STRN: variants seen among roughly 807,000 people sequenced by gnomAD.
STRN encodes the protein striatin.
Under a neutral mutation model 96.3 loss-of-function variants are expected in STRN, and 53 were observed. The observed-to-expected ratio is 0.55, with a 90% CI of 0.44 to 0.69. The LOEUF (loss-of-function observed/expected upper bound fraction) is 0.69, where lower values mean the gene tolerates loss of function less well. Among genes scored for constraint, STRN ranks in the 30% least tolerant of loss-of-function variants. The pLI, the probability that STRN is intolerant of heterozygous loss-of-function variation, is 0.00. For synonymous variants in STRN, 428 were observed against 355.9 expected (o/e 1.20, Z -2.28); for missense variants, 987 against 963.9 (o/e 1.02, Z -0.32).
At chr2:36,914,236 C>G (rs1241963961) in intron 3 of STRN, among the ~76,000 whole-genome samples, 1 of 152,164 alleles carries the variant, frequency 6.6e-6, no homozygotes, top group East Asian at 1.9e-4. Flanking sequence ...AGCAATCCTC[C>G]CACCTTGGCC....
intron 1 of STRN, among the ~76,000 whole-genome samples, chr2:36,958,643 A>G (rs1178834731): frequency 1.3e-5 from 2 of 152,232 alleles, no homozygotes; most frequent in Non-Finnish European, 2.9e-5. Context: ...GAGAGATAAA[A>G]AGATGGAAAA....
At position 36,867,694 on chromosome 2, in the gene STRN, T is replaced by C. The variant is rs1448898918; in HGVS notation, c.1547+120A>G. The C allele has an allele frequency of 4.6e-5, 27 of 582,844 alleles. No individual in the cohort carries two copies. The East Asian group carries it at 7.8e-4, about 17-fold the overall frequency. The allele number at this position is 582,844 out of a possible 1,614,324, so 36.1% of individuals were successfully genotyped here. A position where few individuals can be genotyped will look rare whatever the true frequency, so the allele number is the denominator to read the frequency against. ...CATTATATTATCTGTCAAATTCTTT[T>C]ACATTAAAAAAACACTCCTAAATAC... is the stretch of plus-strand genomic sequence containing the variant. On this transcript the variant is annotated intron_variant, in intron 12 of 17. Coordinates refer to ENST00000263918, the MANE Select transcript of STRN (RefSeq NM_003162.4).
At chr2:36,928,270 T>A (rs1670469618) in intron 1 of STRN, among the ~76,000 whole-genome samples, 1 of 151,910 alleles carries the variant, frequency 6.6e-6, no homozygotes, top group African/African-American at 2.4e-5. Flanking sequence ...CTCTTTGAAT[T>A]GAATTGAGGA....
At chr2:36,855,990 T>G (rs1196984037) in intron 14 of STRN, among the ~76,000 whole-genome samples, 1 of 152,096 alleles carries the variant, frequency 6.6e-6, no homozygotes, top group Non-Finnish European at 1.5e-5. Flanking sequence ...AAAATCTAAC[T>G]ACAGCAAGGT....
chr2:36,924,194 A>C (rs1236937717), intron 2 of STRN, among the ~76,000 whole-genome samples: 2 of 152,040 alleles, frequency 1.3e-5, no homozygotes, highest in African/African-American at 2.4e-5. Flanking sequence ...ATCTCTACCA[A>C]AAATACAAAA....
Position 36,899,845 on chromosome 2 carries a change from T to G in STRN, c.660-187A>C, listed in dbSNP as rs1191359018. On this transcript the variant is annotated intron_variant, in intron 5 of 17. Coordinates refer to ENST00000263918, the MANE Select transcript of STRN (RefSeq NM_003162.4). ...AAGCAATACAAGAAGTGGATACTCT[T>G]TAAGTACTTTGTAATCCTATCTATC... Among the ~76,000 whole-genome samples, 3 of 152,182 alleles carry G rather than the reference T, an allele frequency of 2.0e-5. No individual in the cohort carries two copies. In the East Asian group the frequency reaches 5.8e-4, roughly 29 times the overall value.
rs552699762 is a variant in STRN, at chr2:36,902,770, T to C, written c.492-19A>G. 2.5e-6 allele frequency: 4 copies of C among 1,573,012 alleles called. No homozygotes were observed. The highest frequency in any genetic ancestry group is 3.5e-6 in the Non-Finnish European group (4 of 1,157,074). On this transcript the variant is annotated intron_variant, in intron 4 of 17. Transcript: ENST00000263918. ...TAGATACCTGTGTGAAGAGAATCCT[T>C]AGAGTTCAGTCATACTGGAATCAGT...
At chr2:36,892,542 T>C (rs1669428181) in intron 7 of STRN, among the ~76,000 whole-genome samples, 1 of 152,188 alleles carries the variant, frequency 6.6e-6, no homozygotes. Flanking sequence ...AGATAACAAT[T>C]AGCTGCAAAT....
intron 1 of STRN, among the ~76,000 whole-genome samples, chr2:36,944,605 A>G (rs1054497948): frequency 6.6e-6 from 1 of 152,220 alleles, no homozygotes; most frequent in Non-Finnish European, 1.5e-5. Context: ...TTTTCTGTTA[A>G]AACTGTAACA....
chr2:36,847,047 G>T lies in STRN; in HGVS notation c.*2409C>A, dbSNP rs1488941319. On this transcript the variant is annotated 3_prime_UTR_variant, in exon 18 of 18. Coordinates refer to ENST00000263918, the MANE Select transcript of STRN (RefSeq NM_003162.4). ...GTCAGACACATGTATATGCTACTCT[G>T]GTTGGAAGACAGCTTTGGCTCATTT... 1 of 152,106 alleles carries T rather than the reference G, an allele frequency of 6.6e-6. No individual in the cohort carries two copies. Among genetic ancestry groups the T allele is most frequent in the Non-Finnish European group, 1.5e-5 (1 of 68,026 alleles). The allele number at this position is 152,106 out of a possible 1,614,324, so 9.4% of individuals were successfully genotyped here.
At chr2:36,964,522 A>T (rs1361722027) in intron 1 of STRN, among the ~76,000 whole-genome samples, 1 of 152,220 alleles carries the variant, frequency 6.6e-6, no homozygotes, top group African/African-American at 2.4e-5. Flanking sequence ...AAGACTTGCA[A>T]ATATCAGATA....
chr2:36,962,667 C>G (rs1343360776), intron 1 of STRN, among the ~76,000 whole-genome samples: 4 of 152,140 alleles, frequency 2.6e-5, no homozygotes, highest in African/African-American at 9.7e-5. Flanking sequence ...CACCACCATG[C>G]TCAGCTAATT....
intron 12 of STRN, among the ~76,000 whole-genome samples, chr2:36,862,624 AT>A (rs1306565215): frequency 6.7e-6 from 1 of 150,256 alleles, no homozygotes; most frequent in Non-Finnish European, 1.5e-5. Flanking sequence ...TTTGATTTGC[AT>A]TTCTGTAATA....
chr2:36,892,141 C>T (rs1437007138), intron 7 of STRN, among the ~76,000 whole-genome samples: 1 of 152,094 alleles, frequency 6.6e-6, no homozygotes, highest in Admixed American at 6.6e-5. Flanking sequence ...TGTATTTATC[C>T]TAAGTAAATT....
intron 1 of STRN, among the ~76,000 whole-genome samples, chr2:36,933,376 T>C (rs1475258423): frequency 6.6e-6 from 1 of 152,138 alleles, no homozygotes; most frequent in Non-Finnish European, 1.5e-5. Flanking sequence ...ACCAATACCC[T>C]ACAGACATCA....
chr2:36,930,912 T>G (rs1197472506), intron 1 of STRN, among the ~76,000 whole-genome samples: 1 of 151,888 alleles, frequency 6.6e-6, no homozygotes, highest in Non-Finnish European at 1.5e-5. Flanking sequence ...GGCAAGCGCC[T>G]GTAATCCCAG....
chr2:36,855,123 A>G, intron 15 of STRN, 89 bp downstream of exon 15: 1 of 1,352,992 alleles, frequency 7.4e-7, no homozygotes, highest in Non-Finnish European at 1.0e-6. Flanking sequence ...CTTTATAATG[A>G]CAAATATTTT....
intron 9 of STRN, among the ~76,000 whole-genome samples, chr2:36,880,013 C>A (rs1038384793): frequency 1.3e-5 from 2 of 152,064 alleles, no homozygotes; most frequent in African/African-American, 4.8e-5. Flanking sequence ...GTCACCCAGG[C>A]TGGAGTGCAG....
At chr2:36,881,158 C>T (rs1271177702) in intron 9 of STRN, among the ~76,000 whole-genome samples, 2 of 134,736 alleles carry the variant, frequency 1.5e-5, no homozygotes, top group Non-Finnish European at 3.1e-5. Flanking sequence ...GACAGAATCT[C>T]ACTCTGTCAC....
Sources: allele counts gnomAD v4.1 joint callset (sites outside exome capture counted in the v4.1 genomes callset), GRCh38; gene constraint gnomAD v4.1.1; transcripts MANE v1.5; gene names NCBI Gene and HGNC (gene_info 2026-07-23, HGNC 2026-07-21).